The following SLC47A1 variants were observed in gnomAD, a reference collection of about 807,000 sequenced individuals.
The protein encoded by SLC47A1 is solute carrier family 47 member 1, also known as multidrug and toxin extrusion protein 1.
A neutral mutation model predicts 65.8 loss-of-function variants in SLC47A1; 58 were observed. The ratio of observed to expected loss-of-function variants is 0.88; its 90% CI spans 0.71 to 1.10. SLC47A1 has a LOEUF of 1.10. Ranked by LOEUF, SLC47A1 falls within the 50% of genes least tolerant of loss-of-function variation. SLC47A1 has a pLI of 0.00. For synonymous variants in SLC47A1, 285 were observed against 295.0 expected (o/e 0.97, Z 0.35); for missense variants, 706 against 719.2 (o/e 0.98, Z 0.21).
chr17:19,565,577 CTTTT>C (rs11362429), intron 12 of SLC47A1, among the ~76,000 whole-genome samples: 4 of 95,540 alleles, frequency 4.2e-5, no homozygotes, highest in Non-Finnish European at 2.0e-5. Flanking sequence ...GTCTGAAAAT[CTTTT>C]TTTTTTTTTT....
At chr17:19,563,473 G>A (rs2152315974) in intron 12 of SLC47A1, among the ~76,000 whole-genome samples, 1 of 151,900 alleles carries the variant, frequency 6.6e-6, no homozygotes, top group South Asian at 2.1e-4. Flanking sequence ...AATCCCAGAA[G>A]GTTCCAAAGG....
intron 1 of SLC47A1, 35 bp downstream of exon 1, chr17:19,534,109 G>C: frequency 6.7e-7 from 1 of 1,490,694 alleles, no homozygotes; most frequent in Non-Finnish European, 9.0e-7. Flanking sequence ...GGCCGGTACC[G>C]GCGGGCTGGG....
intron 16 of SLC47A1, among the ~76,000 whole-genome samples, chr17:19,574,190 T>C (rs2084421945): frequency 6.6e-6 from 1 of 152,122 alleles, no homozygotes; most frequent in African/African-American, 2.4e-5. Flanking sequence ...CCCAAAGTGC[T>C]GGGATTACAG....
At chr17:19,551,594 C>T in intron 6 of SLC47A1, 126 bp downstream of exon 6, 1 of 793,120 alleles carries the variant, frequency 1.3e-6, no homozygotes, top group East Asian at 2.5e-5. Context: ...CTGGGAGCCA[C>T]TGAAAGATAT....
chr17:19,552,258 G>T (rs944885680), intron 6 of SLC47A1, among the ~76,000 whole-genome samples: 1 of 152,168 alleles, frequency 6.6e-6, no homozygotes, highest in Non-Finnish European at 1.5e-5. Context: ...GCCCAGGCTG[G>T]TTTCAAACTT....
At chr17:19,563,881 C>T (rs552587326) in intron 12 of SLC47A1, among the ~76,000 whole-genome samples, 32 of 151,958 alleles carry the variant, frequency 2.1e-4, no homozygotes, top group East Asian at 9.7e-4. Context: ...CCCAGCTACT[C>T]GGGAGGCTGA....
At chr17:19,542,828 G>C (rs1171381239) in intron 2 of SLC47A1, among the ~76,000 whole-genome samples, 1 of 145,614 alleles carries the variant, frequency 6.9e-6, no homozygotes, top group African/African-American at 2.6e-5. Flanking sequence ...GTCTCGCGCT[G>C]TTACCCAGGC....
intron 1 of SLC47A1, chr17:19,535,603 A>G (rs1220757017): frequency 3.9e-5 from 6 of 151,964 alleles, no homozygotes; most frequent in African/African-American, 7.3e-5. Context: ...TACAAAAAAT[A>G]AAAAATAAAA....
intron 10 of SLC47A1, among the ~76,000 whole-genome samples, chr17:19,558,531 C>T (rs530671569): frequency 1.3e-5 from 2 of 152,012 alleles, no homozygotes; most frequent in East Asian, 3.9e-4. Flanking sequence ...TGGCTTACTA[C>T]AGTCTTGACC....
intron 13 of SLC47A1, 38 bp downstream of exon 13, chr17:19,566,897 ATCT>A (rs1254094223): frequency 6.2e-7 from 1 of 1,608,326 alleles, no homozygotes; most frequent in African/African-American, 1.3e-5. Context: ...CACTGTTATG[ATCT>A]TCTGATGGTG....
intron 1 of SLC47A1, among the ~76,000 whole-genome samples, chr17:19,538,097 A>G (rs1015942195): frequency 4.6e-5 from 7 of 152,248 alleles, no homozygotes; most frequent in African/African-American, 1.7e-4. Context: ...TGAAAATATC[A>G]TTAAGTCAAA....
chr17:19,555,167 C>G (rs1567969353), intron 6 of SLC47A1, 45 bp from the exon 7 acceptor site: 1 of 1,566,752 alleles, frequency 6.4e-7, no homozygotes. Flanking sequence ...AAAGGCAGTC[C>G]TATTCTGTGG....
chr17:19,543,357 G>T (rs1053276890), intron 2 of SLC47A1, among the ~76,000 whole-genome samples: 4 of 151,998 alleles, frequency 2.6e-5, no homozygotes, highest in African/African-American at 9.7e-5. Flanking sequence ...TGATCCACCC[G>T]CCTCGGCCTC....
intron 2 of SLC47A1, among the ~76,000 whole-genome samples, chr17:19,544,066 C>T (rs886112224): frequency 2.0e-5 from 3 of 152,212 alleles, no homozygotes; most frequent in African/African-American, 7.2e-5. Flanking sequence ...AATGATTCTC[C>T]AGCCTCAGCC....
intron 12 of SLC47A1, chr17:19,564,444 A>G (rs925743034): frequency 1.3e-5 from 2 of 152,174 alleles, no homozygotes; most frequent in African/African-American, 4.8e-5. Context: ...TATAGAAAGG[A>G]AAATTAAGAA....
chr17:19,552,818 G>C (rs1916489698), intron 6 of SLC47A1, among the ~76,000 whole-genome samples: 1 of 152,198 alleles, frequency 6.6e-6, no homozygotes, highest in South Asian at 2.1e-4. Context: ...TGCGGTGGGA[G>C]GGGATGCAGT....
At chr17:19,538,723 A>T (rs2453583) in intron 1 of SLC47A1, among the ~76,000 whole-genome samples, 50,357 of 152,074 alleles carry the variant, frequency 0.33, 8,874 homozygotes, top group Non-Finnish European at 0.4. Context: ...GGGCTGTCCC[A>T]GGTGACCTCT....
chr17:19,548,315 C>T (rs1018869392), intron 4 of SLC47A1, among the ~76,000 whole-genome samples, 182 bp downstream of exon 4: 1 of 152,184 alleles, frequency 6.6e-6, no homozygotes, highest in Admixed American at 6.5e-5. Flanking sequence ...TCCCCCTCGC[C>T]TCCTGGGTGA....
intron 1 of SLC47A1, among the ~76,000 whole-genome samples, chr17:19,541,267 C>T (rs1466502725): frequency 6.6e-6 from 1 of 152,106 alleles, no homozygotes; most frequent in African/African-American, 2.4e-5. Flanking sequence ...ATGCAGGCAG[C>T]GGCGGCAGCA....
Sources: gnomAD v4.1 joint callset for allele counts (sites outside exome capture counted in the v4.1 genomes callset) on GRCh38, gnomAD v4.1.1 for gene constraint, MANE v1.5 for transcripts, NCBI Gene and HGNC (gene_info 2026-07-23, HGNC 2026-07-21) for gene names.